The following ADAMTSL1 variants were observed in gnomAD, a reference collection of about 807,000 sequenced individuals.
ADAMTSL1 encodes the protein ADAMTS like 1.
In ADAMTSL1, 126 loss-of-function variants were observed where a neutral mutation model predicts 201.8. The observed-to-expected ratio is 0.62, with a 90% CI of 0.54 to 0.72. ADAMTSL1 has a LOEUF of 0.72. ADAMTSL1 is among the 30% of genes least tolerant of loss of function. The pLI, the probability that ADAMTSL1 is intolerant of heterozygous loss-of-function variation, is 0.00. For synonymous variants in ADAMTSL1, 1,121 were observed against 903.4 expected (o/e 1.24, Z -4.32); for missense variants, 2,679 against 2,277.8 (o/e 1.18, Z -3.59).
At position 18,364,966 on chromosome 9, in the gene ADAMTSL1, C is replaced by G. The variant is rs1836703719; in HGVS notation, c.208-139863C>G. On this transcript the variant is annotated intron_variant, in intron 2 of 29. Coordinates refer to the ADAMTSL1 transcript ENST00000680146. ...ATGATCCAATAACCTCCCACCAGGC[C>G]CCACCTCCAACACCGGGGATTACAA... Among the ~76,000 whole-genome samples, 3 of 152,198 alleles carry G rather than the reference C, an allele frequency of 2.0e-5. No individual in the cohort carries two copies. In the South Asian group the frequency reaches 6.2e-4, roughly 32 times the overall value.
chr9:18,407,701 G>A (rs1402846013), intron 2 of ADAMTSL1, among the ~76,000 whole-genome samples: 2 of 152,196 alleles, frequency 1.3e-5, no homozygotes, highest in East Asian at 1.9e-4. Flanking sequence ...CAGTGAAGAG[G>A]TAAGAAGTGG....
intron 1 of ADAMTSL1, among the ~76,000 whole-genome samples, chr9:18,479,453 T>G (rs1322625186): frequency 6.6e-6 from 1 of 152,228 alleles, no homozygotes; most frequent in Non-Finnish European, 1.5e-5. Flanking sequence ...TAACCTTTAT[T>G]AGGAGAAATA....
At chr9:18,810,985 T>C (rs1463512590) in intron 20 of ADAMTSL1, among the ~76,000 whole-genome samples, 1 of 113,294 alleles carries the variant, frequency 8.8e-6, no homozygotes, top group African/African-American at 3.5e-5. Context: ...TTCAAGAAGC[T>C]GGCTACTGGT....
intron 1 of ADAMTSL1, among the ~76,000 whole-genome samples, chr9:18,074,557 TTTTC>T (rs1823124250): frequency 3.3e-5 from 3 of 89,780 alleles, no homozygotes; most frequent in South Asian, 3.8e-4. Context: ...TTCTCTTCTC[TTTTC>T]TTTTTTTTTT....
chr9:18,407,045 T>C (rs1014322752), intron 2 of ADAMTSL1, among the ~76,000 whole-genome samples: 1 of 152,172 alleles, frequency 6.6e-6, no homozygotes, highest in African/African-American at 2.4e-5. Flanking sequence ...TCCTAGTAAT[T>C]AGGACTATAA....
chr9:17,913,129 T>C (rs577447263), intron 1 of ADAMTSL1, among the ~76,000 whole-genome samples: 253 of 152,298 alleles, frequency 1.7e-3, no homozygotes, highest in Middle Eastern at 0.01. Context: ...TCAGGTAGCG[T>C]GATACCTCCA....
rs1290850412 is a variant in ADAMTSL1, at chr9:18,889,834, G to C, written c.4643+86G>C. 1.1e-5 allele frequency: 14 copies of C among 1,331,088 alleles called. No homozygotes were observed. In the Admixed American group the frequency reaches 4.2e-4, roughly 40 times the overall value. 82.5% of individuals were successfully genotyped at this position (1,331,088 alleles called of 1,614,324 possible). ...GAAGTCAGTGGCCAGCCCTTCAGTAGCACTGTGCAGGGAGAGATGCCAGCC... is the reference window on the plus strand; with the variant it reads ...GAAGTCAGTGGCCAGCCCTTCAGTACCACTGTGCAGGGAGAGATGCCAGCC... On this transcript the variant is annotated intron_variant, in intron 25 of 28. Transcript: ENST00000380548.
chr9:18,206,691 G>A (rs1829661791), intron 2 of ADAMTSL1, among the ~76,000 whole-genome samples: 1 of 152,066 alleles, frequency 6.6e-6, no homozygotes, highest in Admixed American at 6.6e-5. Flanking sequence ...AAAAATATTT[G>A]TTGATGCTTC....
At chr9:18,646,484 G>T (rs1470557454) in intron 7 of ADAMTSL1, among the ~76,000 whole-genome samples, 1 of 151,402 alleles carries the variant, frequency 6.6e-6, no homozygotes, top group African/African-American at 2.4e-5. Flanking sequence ...CAAAGGGAAT[G>T]CTCCCAGTTT....
chr9:18,440,609 A>G (rs1427685837), intron 2 of ADAMTSL1, among the ~76,000 whole-genome samples: 2 of 150,636 alleles, frequency 1.3e-5, no homozygotes, highest in African/African-American at 2.4e-5. Context: ...TATAATATAT[A>G]TATATTATAT....
chr9:18,373,002 G>A (rs1276965638), intron 2 of ADAMTSL1, among the ~76,000 whole-genome samples: 1 of 152,156 alleles, frequency 6.6e-6, no homozygotes, highest in East Asian at 1.9e-4. Flanking sequence ...AGTGAGGCTG[G>A]TATCAGGGAA....
chr9:18,742,351 C>A (rs1818881013), intron 15 of ADAMTSL1, among the ~76,000 whole-genome samples: 2 of 152,064 alleles, frequency 1.3e-5, no homozygotes, highest in Admixed American at 1.3e-4. Context: ...CAAATTATTT[C>A]CTTAATCCCA....
At chr9:18,455,558 A>G (rs1288392912) in intron 2 of ADAMTSL1, among the ~76,000 whole-genome samples, 1 of 152,080 alleles carries the variant, frequency 6.6e-6, no homozygotes, top group Non-Finnish European at 1.5e-5. Context: ...CCATACAGGT[A>G]GGTCTCAGAG....
chr9:18,888,098 G>T lies in ADAMTSL1; in HGVS notation c.4462+55G>T. 5.2e-6 allele frequency: 8 copies of T among 1,542,274 alleles called. 1 individual carries two copies. In the South Asian group the frequency reaches 9.2e-5, roughly 18 times the overall value. On this transcript the variant is annotated intron_variant, in intron 24 of 28. Coordinates refer to ENST00000380548, the MANE Select transcript of ADAMTSL1 (RefSeq NM_001040272.6). Reference sequence around the variant, plus strand: ...GACTTGAACAAGAAAGCCCACTTGGGAATCTAACTATCTAGCAGAACAAAG... The same window carrying T: ...GACTTGAACAAGAAAGCCCACTTGGTAATCTAACTATCTAGCAGAACAAAG...
At chr9:18,287,156 A>T (rs1005287216) in intron 2 of ADAMTSL1, among the ~76,000 whole-genome samples, 4 of 152,122 alleles carry the variant, frequency 2.6e-5, no homozygotes, top group African/African-American at 2.4e-5. Context: ...GTTACTGGAT[A>T]TTGCCAGTAT....
intron 23 of ADAMTSL1, among the ~76,000 whole-genome samples, chr9:18,876,200 T>C (rs1395898115): frequency 6.6e-6 from 1 of 152,130 alleles, no homozygotes; most frequent in Admixed American, 6.5e-5. Flanking sequence ...CATTCCGCCA[T>C]TCTCCATCTT....
intron 13 of ADAMTSL1, among the ~76,000 whole-genome samples, chr9:18,702,289 A>T (rs1831968228): frequency 6.6e-6 from 1 of 152,232 alleles, no homozygotes; most frequent in Non-Finnish European, 1.5e-5. Context: ...GGCCATGTAG[A>T]CATACACCTA....
chr9:18,799,416 T>G (rs1311666187), intron 20 of ADAMTSL1, among the ~76,000 whole-genome samples: 1 of 152,122 alleles, frequency 6.6e-6, no homozygotes, highest in African/African-American at 2.4e-5. Context: ...TAGGCAAACT[T>G]TTGAAGGAAA....
Position 18,074,723 on chromosome 9 carries a change from T to C in ADAMTSL1, c.88-89139T>C, listed in dbSNP as rs185108104. ...CTCCTGCCTCAGCCTCCCAAGTAGC[T>C]GGGATTACAGGCGCTTGCCACCAGG... On this transcript the variant is annotated intron_variant, in intron 1 of 29. Coordinates refer to the ADAMTSL1 transcript ENST00000680146. Among the ~76,000 whole-genome samples, 38 of 152,178 alleles carry C rather than the reference T, an allele frequency of 2.5e-4. 1 individual carries two copies. The East Asian group carries it at 7.0e-3, about 28-fold the overall frequency.
Sources: allele counts gnomAD v4.1 joint callset (sites outside exome capture counted in the v4.1 genomes callset), GRCh38; gene constraint gnomAD v4.1.1; transcripts MANE v1.5; gene names NCBI Gene and HGNC (gene_info 2026-07-23, HGNC 2026-07-21).